The following EFL1 variants were observed in gnomAD, a reference collection of about 807,000 sequenced individuals.
EFL1 encodes elongation factor like GTPase 1.
EFL1 carries 76 observed loss-of-function variants against 126.7 expected under a neutral mutation model. That is an observed-to-expected ratio of 0.60 (90% CI 0.50 to 0.73). EFL1 has a LOEUF of 0.73. Among genes scored for constraint, EFL1 ranks in the 30% least tolerant of loss-of-function variants. EFL1 has a pLI of 0.00. For synonymous variants in EFL1, 410 were observed against 448.4 expected (o/e 0.91, Z 1.08); for missense variants, 1,128 against 1,343.2 (o/e 0.84, Z 2.50).
intron 1 of EFL1, 175 bp downstream of exon 1, chr15:82,262,435 CACAG>C (rs1310926277): frequency 5.4e-6 from 1 of 186,154 alleles, no homozygotes; most frequent in Non-Finnish European, 1.1e-5. Flanking sequence ...CCTGGGTCCA[CACAG>C]ACAGGCGACC....
chr15:82,213,088 A>T (rs536938688), intron 15 of EFL1, among the ~76,000 whole-genome samples: 1 of 152,294 alleles, frequency 6.6e-6, no homozygotes, highest in African/African-American at 2.4e-5. Context: ...GAAGTTTAAG[A>T]CTATGCAGTT....
At chr15:82,140,624 C>A (rs1048624119) in intron 18 of EFL1, among the ~76,000 whole-genome samples, 16 of 152,168 alleles carry the variant, frequency 1.1e-4, no homozygotes, top group African/African-American at 3.9e-4. Flanking sequence ...CTAAGCCAGG[C>A]CTCTCCTTGG....
At chr15:82,184,319 C>T (rs1483915777) in intron 15 of EFL1, among the ~76,000 whole-genome samples, 3 of 152,098 alleles carry the variant, frequency 2.0e-5, no homozygotes, top group Admixed American at 2.0e-4. Context: ...AAACCATGAC[C>T]GGTAGCACAC....
intron 15 of EFL1, among the ~76,000 whole-genome samples, chr15:82,201,289 G>C: frequency 6.6e-6 from 1 of 152,218 alleles, no homozygotes; most frequent in Non-Finnish European, 1.5e-5. Context: ...TAGGGAATTT[G>C]CAGTTAGTCC....
rs182955482 is a variant in EFL1 at position 82,218,547 on chromosome 15, C to T, written c.1611+1105G>A. Among the ~76,000 whole-genome samples the T allele has an allele frequency of 1.4e-3, 216 of 151,938 alleles. 1 individual carries two copies. Among genetic ancestry groups the T allele is most frequent in the African/African-American group, 4.9e-3 (204 of 41,448 alleles). On this transcript the variant is annotated intron_variant, in intron 14 of 19. Transcript: ENST00000268206. ...ACAATTTCTTGCTCACTTACCTTCA[C>T]AAAAAAGGAAAAAATTAACTGATAC...
rs138012816 is a variant in EFL1 at position 82,167,721 on chromosome 15, T to A, written c.1751-3737A>T. ...TCTGGGGGCGAGCCTGTTAGCTGTC[T>A]GGATAGGGAACAGAATTACCATCTT... On this transcript the variant is annotated intron_variant, in intron 15 of 19. Coordinates refer to ENST00000268206, the MANE Select transcript of EFL1 (RefSeq NM_024580.6). Among the ~76,000 whole-genome samples, 1,001 of 152,322 alleles carry A rather than the reference T, an allele frequency of 6.6e-3. 10 individuals are homozygous for A. Among genetic ancestry groups the A allele is most frequent in the African/African-American group, 0.023 (936 of 41,568 alleles).
chr15:82,182,860 G>A (rs185427521), intron 15 of EFL1, among the ~76,000 whole-genome samples: 12 of 152,112 alleles, frequency 7.9e-5, no homozygotes, highest in Admixed American at 7.9e-4. Context: ...CAGGTATGAA[G>A]GACATGGAGC....
chr15:82,211,263 A>G (rs952990892), intron 15 of EFL1, among the ~76,000 whole-genome samples: 1 of 151,848 alleles, frequency 6.6e-6, no homozygotes, highest in African/African-American at 2.4e-5. Context: ...GCGGTAGCTC[A>G]TGTCTGTAAT....
chr15:82,261,761 C>G lies in EFL1; in HGVS notation c.18G>C (p.Leu6Phe). ...TTTTCTGGAGTTGAATCATCTTATC[C>G]AAACTGTTGAGCACCATGATTACTT... MVLNS[L>F]DKMIQLQKNT... The change falls in exon 2 of 20, where the codon TTG becomes TTC. Residue 6 changes from leucine to phenylalanine, a missense_variant. Around this residue, in one of 6 missense-constraint regions of EFL1, gnomAD observed 118 missense variants for 188.1 expected, o/e 0.63. Transcript: ENST00000268206. 6.2e-7 allele frequency: 1 copy of G among 1,614,000 alleles called. No individual in the cohort carries two copies. The highest frequency in any genetic ancestry group is 8.5e-7 in the Non-Finnish European group (1 of 1,179,966).
At chr15:82,150,950 T>C (rs964897514) in intron 18 of EFL1, among the ~76,000 whole-genome samples, 4 of 152,290 alleles carry the variant, frequency 2.6e-5, no homozygotes, top group Admixed American at 2.0e-4. Flanking sequence ...TTCTATTTGT[T>C]GCAAAAGAAA....
intron 12 of EFL1, among the ~76,000 whole-genome samples, chr15:82,221,182 C>T (rs1595991816): frequency 6.6e-6 from 1 of 152,130 alleles, no homozygotes; most frequent in Non-Finnish European, 1.5e-5. Flanking sequence ...CTTCATGGTC[C>T]CAACACTTTG....
In EFL1 at chr15:82,156,021, A is replaced by C. The variant is rs377297536; in HGVS notation, c.2030+1692T>G. 4.5e-4 allele frequency among the ~76,000 whole-genome samples: 69 copies of C among 152,304 alleles called. 1 individual carries two copies. The South Asian group carries it at 0.013, about 29-fold the overall frequency. On this transcript the variant is annotated intron_variant, in intron 17 of 19. Transcript: ENST00000268206. ...AAAGGTCTTCTCTAACCCTGCGGTC[A>C]GCCTCCTTATTATCTTAATAGTGTC...
At chr15:82,148,804 T>A (rs1054238324) in intron 18 of EFL1, among the ~76,000 whole-genome samples, 1 of 152,184 alleles carries the variant, frequency 6.6e-6, no homozygotes, top group Non-Finnish European at 1.5e-5. Context: ...GACTAAACTT[T>A]TTGAGGATAT....
intron 19 of EFL1, among the ~76,000 whole-genome samples, chr15:82,132,191 A>G (rs1358736782): frequency 6.6e-6 from 1 of 152,200 alleles, no homozygotes; most frequent in East Asian, 1.9e-4. Flanking sequence ...GCTCTTGAAC[A>G]AAGGTTGGAA....
chr15:82,259,189 TC>T (rs2075091844), intron 2 of EFL1, 34 bp from the exon 3 acceptor site: 1 of 1,587,874 alleles, frequency 6.3e-7, no homozygotes, highest in Non-Finnish European at 8.6e-7. Flanking sequence ...CAAATCTATA[TC>T]TTTTTTAAAA....
intron 12 of EFL1, among the ~76,000 whole-genome samples, chr15:82,224,880 T>C (rs754344877): frequency 6.6e-6 from 1 of 152,246 alleles, no homozygotes; most frequent in Admixed American, 6.5e-5. Flanking sequence ...TTGCCTGACA[T>C]GTTTAATAAA....
At chr15:82,199,850 T>C (rs1297556979) in intron 15 of EFL1, among the ~76,000 whole-genome samples, 1 of 152,246 alleles carries the variant, frequency 6.6e-6, no homozygotes, top group Admixed American at 6.5e-5. Flanking sequence ...AGACATTTAA[T>C]GTATCGCAGG....
At chr15:82,254,216 T>A (rs1488409914) in intron 3 of EFL1, among the ~76,000 whole-genome samples, 1 of 152,240 alleles carries the variant, frequency 6.6e-6, no homozygotes, top group Non-Finnish European at 1.5e-5. Flanking sequence ...TGTGCATGTG[T>A]GTTACGTGCA....
intron 16 of EFL1, among the ~76,000 whole-genome samples, chr15:82,162,597 T>C (rs763002593): frequency 1.3e-5 from 2 of 152,146 alleles, no homozygotes; most frequent in Non-Finnish European, 2.9e-5. Flanking sequence ...CAGAATGGGA[T>C]AAATCCGTGT....
Sources: allele counts gnomAD v4.1 joint callset (sites outside exome capture counted in the v4.1 genomes callset), GRCh38; gene constraint gnomAD v4.1.1; regional missense constraint gnomAD v4.1.1; transcripts MANE v1.5; gene names NCBI Gene and HGNC (gene_info 2026-07-23, HGNC 2026-07-21).